The following EGFR variants were observed in gnomAD, a reference collection of about 807,000 sequenced individuals.
EGFR encodes the protein avian erythroblastic leukemia viral (v-erb-b) oncogene homolog.
A neutral mutation model predicts 143.0 loss-of-function variants in EGFR; 58 were observed. The observed-to-expected ratio is 0.41, with a 90% CI of 0.33 to 0.50. The LOEUF (loss-of-function observed/expected upper bound fraction) is 0.50. Ranked by LOEUF, EGFR falls within the 20% of genes least tolerant of loss-of-function variation. The pLI is 0.39. For missense variants in EGFR, 1,307 were observed against 1,579.0 expected (o/e 0.83, Z 2.92); for synonymous variants, 613 against 594.4 (o/e 1.03, Z -0.45).
At chr7:55,203,679 C>CACACACACCACACAT (rs1787974185) in intron 27 of EGFR, among the ~76,000 whole-genome samples, 3 of 146,772 alleles carry the variant, frequency 2.0e-5, no homozygotes, top group African/African-American at 7.6e-5. Context: ...ATACACACAC[C>CACACACACCACACAT]ACACACACCA....
chr7:55,079,325 G>C (rs779730260), intron 1 of EGFR, among the ~76,000 whole-genome samples: 37 of 152,346 alleles, frequency 2.4e-4, no homozygotes, highest in Non-Finnish European at 5.0e-4. Flanking sequence ...GTGCAGCGGG[G>C]AAGAGGGGCG....
rs1787719234 is a variant in EGFR, at chr7:55,198,621, A to G, written c.2702-96A>G. 35 of 1,576,706 alleles carry G rather than the reference A, an allele frequency of 2.2e-5. No individual in the cohort carries two copies. In the South Asian group the frequency reaches 2.7e-4, roughly 12 times the overall value. On this transcript the variant is annotated intron_variant, in intron 22 of 27. Coordinates refer to ENST00000275493, the MANE Select transcript of EGFR (RefSeq NM_005228.5). ...ACTACAGAAATGTAGGTTTCTAAACATCAAGAAACAGTAACCAGTAATGAT... is the reference window on the plus strand; with the variant it reads ...ACTACAGAAATGTAGGTTTCTAAACGTCAAGAAACAGTAACCAGTAATGAT...
intron 1 of EGFR, among the ~76,000 whole-genome samples, chr7:55,122,603 G>T (rs1793276059): frequency 6.6e-6 from 1 of 152,224 alleles, no homozygotes; most frequent in Non-Finnish European, 1.5e-5. Flanking sequence ...GACTCCTCCT[G>T]CTGCCTCCCC....
In EGFR at chr7:55,079,493, G is replaced by A. The variant is rs151023997; in HGVS notation, c.88+60128G>A. On this transcript the variant is annotated intron_variant, in intron 1 of 27. Transcript: ENST00000275493. The stretch of plus-strand genomic sequence containing the variant: ...GTTCTTTGAATTTTTTTCCTTCCAG[G>A]GCCAGGACTGGAGTGATGGTTGAGA... Among the ~76,000 whole-genome samples the A allele has an allele frequency of 5.3e-5, 8 of 152,276 alleles. No homozygotes were observed. In the East Asian group the frequency reaches 1.5e-3, roughly 29 times the overall value.
chr7:55,148,555 C>A (rs538194864), intron 4 of EGFR, among the ~76,000 whole-genome samples: 2 of 152,284 alleles, frequency 1.3e-5, no homozygotes, highest in South Asian at 4.1e-4. Flanking sequence ...AAAGAACTGA[C>A]ATTTCAAGCC....
rs1171516758 is a variant in EGFR at position 55,142,377 on chromosome 7, G to T, written c.180G>T (p.Val60=). 4 of 1,614,158 alleles carry T rather than the reference G, an allele frequency of 2.5e-6. No homozygotes were observed. The highest frequency in any genetic ancestry group is 1.7e-5 in the Admixed American group (1 of 60,026). Residue 60 remains valine (V), a synonymous_variant, in exon 2 of 28, where the codon GTG becomes GTT. Coordinates refer to ENST00000275493, the MANE Select transcript of EGFR (RefSeq NM_005228.5). ...AGAGGATGTTCAATAACTGTGAGGT[G>T]GTCCTTGGGAATTTGGAAATTACCT... The part of the protein sequence containing the change: ...SLQRMFNNCE[V]VLGNLEITYV...
At chr7:55,067,780 C>T (rs1468724) in intron 1 of EGFR, among the ~76,000 whole-genome samples, 44,607 of 151,178 alleles carry the variant, frequency 0.3, 8,800 homozygotes, top group East Asian at 0.93. Flanking sequence ...TTAACACATC[C>T]AACCCACCCA....
intron 20 of EGFR, among the ~76,000 whole-genome samples, chr7:55,184,305 C>T (rs1440007836): frequency 1.3e-5 from 2 of 152,222 alleles, no homozygotes; most frequent in East Asian, 3.9e-4. Context: ...CCAGAAACAT[C>T]TTCCTAATCT....
intron 15 of EGFR, chr7:55,168,411 A>T: frequency 1.3e-6 from 1 of 775,762 alleles, no homozygotes; most frequent in Non-Finnish European, 2.3e-6. Flanking sequence ...TTTTCAATAC[A>T]CTTACTTTGT....
intron 27 of EGFR, among the ~76,000 whole-genome samples, chr7:55,203,433 CGT>C (rs373063314): frequency 1.4e-5 from 2 of 144,354 alleles, no homozygotes; most frequent in South Asian, 2.3e-4. Context: ...AACACAGACA[CGT>C]ACACACACTA....
chr7:55,075,953 A>C (rs531886341), intron 1 of EGFR, among the ~76,000 whole-genome samples: 2 of 152,318 alleles, frequency 1.3e-5, no homozygotes, highest in Admixed American at 1.3e-4. Context: ...AAGCAAGCAC[A>C]TCGCGTGGAA....
At chr7:55,204,857 CACACCACACACACATACAAATAT>C (rs1212988522) in intron 27 of EGFR, among the ~76,000 whole-genome samples, 1 of 150,926 alleles carries the variant, frequency 6.6e-6, no homozygotes, top group African/African-American at 2.4e-5. Flanking sequence ...CCCACATGCA[CACACCACACACACATACAAATAT>C]ACACCACACA....
At chr7:55,188,531 G>A (rs1157001714) in intron 20 of EGFR, among the ~76,000 whole-genome samples, 1 of 152,110 alleles carries the variant, frequency 6.6e-6, no homozygotes, top group African/African-American at 2.4e-5. Flanking sequence ...TTTTCCTGTA[G>A]TAATTAACAA....
chr7:55,131,801 G>T (rs1793853904), intron 1 of EGFR, among the ~76,000 whole-genome samples: 1 of 152,176 alleles, frequency 6.6e-6, no homozygotes, highest in Admixed American at 6.5e-5. Flanking sequence ...TGCGCTGTCA[G>T]CATTCAGAGA....
At chr7:55,025,409 TC>T (rs1786824958) in intron 1 of EGFR, among the ~76,000 whole-genome samples, 2 of 152,244 alleles carry the variant, frequency 1.3e-5, no homozygotes, top group African/African-American at 4.8e-5. Context: ...CCCAGGCTTC[TC>T]ACTTGGAAGC....
chr7:55,169,049 G>T (rs546019777), intron 15 of EGFR, among the ~76,000 whole-genome samples: 1 of 151,976 alleles, frequency 6.6e-6, no homozygotes, highest in African/African-American at 2.4e-5. Flanking sequence ...CCTTCCAACC[G>T]GGCAGGTGCA....
chr7:55,111,369 G>T (rs1227339725), intron 1 of EGFR, among the ~76,000 whole-genome samples: 25 of 144,872 alleles, frequency 1.7e-4, no homozygotes, highest in East Asian at 8.1e-4. Flanking sequence ...TAGACGTTTT[G>T]TTTTTTTTTT....
intron 20 of EGFR, among the ~76,000 whole-genome samples, chr7:55,187,304 A>ACCTAAGTCAGTGCTG (rs1562795068): frequency 6.6e-6 from 1 of 151,978 alleles, no homozygotes; most frequent in African/African-American, 2.4e-5. Flanking sequence ...CATGGGTGCT[A>ACCTAAGTCAGTGCTG]TCTCTACATA....
chr7:55,033,569 C>T lies in EGFR; in HGVS notation c.88+14204C>T, dbSNP rs986264878. Among the ~76,000 whole-genome samples, 8 of 152,072 alleles carry T rather than the reference C, an allele frequency of 5.3e-5. No homozygotes were observed. In the South Asian group the frequency reaches 1.0e-3, roughly 20 times the overall value. ...TGACAGGGTGGTGTAGAGGCTGGAG[C>T]GTGCCCCATGTGTGCACGACAGCCT... On this transcript the variant is annotated intron_variant, in intron 1 of 27. Coordinates refer to ENST00000275493, the MANE Select transcript of EGFR (RefSeq NM_005228.5).
Sources: allele counts gnomAD v4.1 joint callset (sites outside exome capture counted in the v4.1 genomes callset), GRCh38; gene constraint gnomAD v4.1.1; transcripts MANE v1.5; gene names NCBI Gene and HGNC (gene_info 2026-07-23, HGNC 2026-07-21).